The following CNTNAP2 variants were observed in gnomAD, a reference collection of about 807,000 sequenced individuals.
CNTNAP2 encodes the protein contactin-associated protein-like 2.
A neutral mutation model predicts 155.2 loss-of-function variants in CNTNAP2; 98 were observed. The ratio of observed to expected loss-of-function variants is 0.63; its 90% CI spans 0.54 to 0.75. The LOEUF (loss-of-function observed/expected upper bound fraction) is 0.75, where lower values mean the gene tolerates loss of function less well. CNTNAP2 is among the 30% of genes least tolerant of loss of function. CNTNAP2 has a pLI of 0.00. For missense variants in CNTNAP2, 1,727 were observed against 1,688.1 expected (o/e 1.02, Z -0.40); for synonymous variants, 651 against 631.2 (o/e 1.03, Z -0.47).
intron 8 of CNTNAP2, among the ~76,000 whole-genome samples, chr7:147,207,263 G>T (rs1471529676): frequency 2.6e-5 from 4 of 151,974 alleles, no homozygotes; most frequent in African/African-American, 9.7e-5. Flanking sequence ...ATGCAAGAAT[G>T]GAAAAAATAA....
At chr7:146,294,746 TA>T (rs1327537424) in intron 1 of CNTNAP2, among the ~76,000 whole-genome samples, 1 of 152,194 alleles carries the variant, frequency 6.6e-6, no homozygotes, top group Non-Finnish European at 1.5e-5. Flanking sequence ...ATTGAAGTAG[TA>T]GTCATTTCAT....
intron 21 of CNTNAP2, among the ~76,000 whole-genome samples, chr7:148,291,013 T>C (rs927917740): frequency 6.6e-6 from 1 of 152,200 alleles, no homozygotes; most frequent in African/African-American, 2.4e-5. Flanking sequence ...ATTTTAAGCT[T>C]CTTTTCACAA....
intron 15 of CNTNAP2, among the ~76,000 whole-genome samples, chr7:148,113,882 T>G (rs1804407600): frequency 6.6e-6 from 1 of 152,222 alleles, no homozygotes; most frequent in Non-Finnish European, 1.5e-5. Flanking sequence ...CATTATTCTG[T>G]TACTGTTGAC....
intron 1 of CNTNAP2, among the ~76,000 whole-genome samples, chr7:146,762,797 A>G (rs569929946): frequency 3.3e-5 from 5 of 152,240 alleles, no homozygotes; most frequent in Admixed American, 2.0e-4. Context: ...GTGGCAGGCA[A>G]GGTAGCATGT....
chr7:146,940,024 GA>G (rs1293796500), intron 3 of CNTNAP2, among the ~76,000 whole-genome samples: 1 of 152,102 alleles, frequency 6.6e-6, no homozygotes, highest in Non-Finnish European at 1.5e-5. Flanking sequence ...TTACACTACA[GA>G]AAAGAGTGTT....
intron 18 of CNTNAP2, among the ~76,000 whole-genome samples, chr7:148,194,909 C>T (rs1279607012): frequency 5.3e-5 from 8 of 152,116 alleles, no homozygotes; most frequent in Admixed American, 5.2e-4. Flanking sequence ...ACAGACACAC[C>T]CCAAAATTAT....
chr7:147,718,229 A>G (rs558477177), intron 13 of CNTNAP2, among the ~76,000 whole-genome samples: 35 of 152,220 alleles, frequency 2.3e-4, no homozygotes, highest in Non-Finnish European at 4.3e-4. Flanking sequence ...TTTCATATAT[A>G]GGTATAGGTA....
chr7:146,667,712 T>G (rs1341450035), intron 1 of CNTNAP2, among the ~76,000 whole-genome samples: 2 of 55,660 alleles, frequency 3.6e-5, no homozygotes, highest in African/African-American at 1.5e-4. Flanking sequence ...CACTTTTAGG[T>G]TTCCTCTTTT....
intron 1 of CNTNAP2, among the ~76,000 whole-genome samples, chr7:146,325,401 C>A (rs1052877720): frequency 1.3e-5 from 2 of 152,154 alleles, no homozygotes; most frequent in African/African-American, 2.4e-5. Flanking sequence ...AACTTGCATT[C>A]TTCCCCATTT....
chr7:147,399,317 G>A (rs1045177633), intron 10 of CNTNAP2, among the ~76,000 whole-genome samples: 7 of 152,128 alleles, frequency 4.6e-5, no homozygotes, highest in Non-Finnish European at 7.3e-5. Flanking sequence ...CTGGGCTGTG[G>A]GAGCAAGAAA....
chr7:147,547,552 TG>T (rs1799762277), intron 11 of CNTNAP2, among the ~76,000 whole-genome samples: 1 of 152,150 alleles, frequency 6.6e-6, no homozygotes, highest in Admixed American at 6.6e-5. Flanking sequence ...CTCCTTTCTT[TG>T]CTTGATGGTC....
chr7:146,372,517 A>G (rs1795250452), intron 1 of CNTNAP2, among the ~76,000 whole-genome samples: 1 of 152,226 alleles, frequency 6.6e-6, no homozygotes, highest in Non-Finnish European at 1.5e-5. Flanking sequence ...AGTTTATTGA[A>G]AAGTTCACCA....
intron 13 of CNTNAP2, among the ~76,000 whole-genome samples, chr7:147,669,315 A>G (rs1795749188): frequency 1.3e-5 from 2 of 152,236 alleles, no homozygotes; most frequent in South Asian, 2.1e-4. Context: ...CTTATGCCCC[A>G]TAAATGTTAA....
At chr7:147,311,682 T>C (rs2116796695) in intron 9 of CNTNAP2, among the ~76,000 whole-genome samples, 1 of 147,356 alleles carries the variant, frequency 6.8e-6, no homozygotes, top group South Asian at 2.2e-4. Context: ...AAAGCACTTC[T>C]TGACAAACCA....
chr7:147,482,470 G>A (rs905129113), intron 10 of CNTNAP2, among the ~76,000 whole-genome samples: 1 of 152,064 alleles, frequency 6.6e-6, no homozygotes, highest in Non-Finnish European at 1.5e-5. Context: ...TGTAATCCCA[G>A]CACTTTGGGA....
At chr7:147,439,728 T>C (rs1376328524) in intron 10 of CNTNAP2, among the ~76,000 whole-genome samples, 2 of 152,094 alleles carry the variant, frequency 1.3e-5, no homozygotes, top group African/African-American at 2.4e-5. Flanking sequence ...TCTCTTTAGC[T>C]CTAATAATAT....
At chr7:147,279,664 T>A (rs1253285599) in intron 8 of CNTNAP2, among the ~76,000 whole-genome samples, 1 of 151,848 alleles carries the variant, frequency 6.6e-6, no homozygotes, top group Non-Finnish European at 1.5e-5. Flanking sequence ...CATAAACCTA[T>A]CCCTAGATGA....
At chr7:147,723,182 C>T (rs1393052191) in intron 13 of CNTNAP2, among the ~76,000 whole-genome samples, 1 of 151,826 alleles carries the variant, frequency 6.6e-6, no homozygotes, top group Non-Finnish European at 1.5e-5. Context: ...AAAAAAAATT[C>T]TTGCATTTTT....
chr7:146,211,049 T>C (rs1799026941), intron 1 of CNTNAP2, among the ~76,000 whole-genome samples: 1 of 152,170 alleles, frequency 6.6e-6, no homozygotes, highest in South Asian at 2.1e-4. Context: ...AAGCAAATTT[T>C]TATGTGTTGA....
Sources: allele counts gnomAD v4.1 joint callset (sites outside exome capture counted in the v4.1 genomes callset), GRCh38; gene constraint gnomAD v4.1.1; transcripts MANE v1.5; gene names NCBI Gene and HGNC (gene_info 2026-07-23, HGNC 2026-07-21).